Variants in TSR1 observed in about 807,000 individuals in gnomAD.
The protein encoded by TSR1 is TSR1 ribosome maturation factor.
In TSR1, 81 loss-of-function variants were observed where a neutral mutation model predicts 90.9. That is an observed-to-expected ratio of 0.89 (90% confidence interval 0.74 to 1.07). The LOEUF is 1.07. Among genes scored for constraint, TSR1 ranks in the 50% least tolerant of loss-of-function variants. The pLI, the probability that TSR1 is intolerant of heterozygous loss-of-function variation, is 0.00. For missense variants in TSR1, 989 were observed against 987.3 expected, an observed-to-expected ratio of 1.00 and a Z score of -0.02; for synonymous variants, 362 against 348.8, an observed-to-expected ratio of 1.04 and a Z score of -0.42.
Position 2,323,087 on chromosome 17 carries a change from G to A in TSR1, c.*1109C>T. 6.3e-7 allele frequency: 1 copy of A among 1,580,084 alleles called. No homozygotes were observed. The highest frequency in any genetic ancestry group is 8.7e-7 in the Non-Finnish European group (1 of 1,149,648). On this transcript the variant is annotated 3_prime_UTR_variant, in exon 15 of 15. Transcript: ENST00000301364. The stretch of plus-strand genomic sequence containing the variant: ...GCCCATATTTTCTTTTAGACATGCA[G>A]GCAATGTTGTGGTTTGTTGTTAAGA...
Position 2,323,940 on chromosome 17 carries a change from T to C in TSR1, c.*256A>G. On this transcript the variant is annotated 3_prime_UTR_variant, in exon 15 of 15. Coordinates refer to ENST00000301364, the MANE Select transcript of TSR1 (RefSeq NM_018128.5). Reference sequence around the variant, plus strand: ...ACTGAAGACATTTTGTTTCCTAGTATTGTCAACTCTTAGTTATCAGATTCT... The same window carrying C: ...ACTGAAGACATTTTGTTTCCTAGTACTGTCAACTCTTAGTTATCAGATTCT... The C allele has an allele frequency of 7.2e-7, 1 of 1,395,762 alleles. No individual in the cohort carries two copies. The highest frequency in any genetic ancestry group is 1.0e-6 in the Non-Finnish European group (1 of 1,002,446). 86.5% of individuals were successfully genotyped at this position (1,395,762 alleles called of 1,614,324 possible). A position where few individuals can be genotyped will look rare whatever the true frequency, so the allele number is the denominator to read the frequency against.
At chr17:2,332,411 C>T (rs2064012872) in intron 7 of TSR1, 52 bp from the exon 8 acceptor site, 1 of 1,466,548 alleles carries the variant, frequency 6.8e-7, no homozygotes. Context: ...CTGTCTCTAC[C>T]CCAAAGGCCA....
rs773641156 is a variant in TSR1, at chr17:2,324,294, C to T, written c.2317G>A (p.Val773Ile). 14 of 1,556,944 alleles carry T rather than the reference C, an allele frequency of 9.0e-6. No homozygotes were observed. Among genetic ancestry groups the T allele is most frequent in the Non-Finnish European group, 1.2e-5 (14 of 1,156,842 alleles). The change falls in exon 15 of 15, where the codon GTC (valine) becomes ATC (isoleucine). Residue 773 changes from valine to isoleucine, a missense_variant. By Grantham distance (29) the Val-to-Ile change is conservative (BLOSUM62 3). Transcript: ENST00000301364. ...DTVLMNLYKR[V>I]FPKWTYDPYV... ...GGATCATAAGTCCATTTGGGGAAGACTCGTTTATACAGGTTCATCAGTACT... is the reference window on the plus strand; with the variant it reads ...GGATCATAAGTCCATTTGGGGAAGATTCGTTTATACAGGTTCATCAGTACT...
chr17:2,330,418 G>A lies in TSR1; in HGVS notation c.1770+97C>T, dbSNP rs370216599. On this transcript the variant is annotated intron_variant, in intron 10 of 14. Coordinates refer to ENST00000301364, the MANE Select transcript of TSR1 (RefSeq NM_018128.5). Reference sequence around the variant, plus strand: ...AAAGGCAGACTTTTTGCATCCCAATGAGCAAAATTTTAGTCACACATAAAC... The same window carrying A: ...AAAGGCAGACTTTTTGCATCCCAATAAGCAAAATTTTAGTCACACATAAAC... The A allele has an allele frequency of 6.4e-6, 7 of 1,086,484 alleles. No homozygotes were observed. The East Asian group carries it at 7.1e-5, about 11-fold the overall frequency. 67.3% of individuals were successfully genotyped at this position (1,086,484 alleles called of 1,614,324 possible). A position where few individuals can be genotyped will look rare whatever the true frequency, so the allele number is the denominator to read the frequency against.
chr17:2,336,185 G>A, intron 1 of TSR1, 45 bp from the exon 2 acceptor site: 3 of 1,605,548 alleles, frequency 1.9e-6, no homozygotes, highest in Non-Finnish European at 2.6e-6. Flanking sequence ...GCCCCACAAG[G>A]TCAAGAAAAG....
Position 2,333,654 on chromosome 17 carries a change from G to C in TSR1, c.1044C>G (p.Asp348Glu), listed in dbSNP as rs752276837. The change falls in exon 6 of 15, where the codon GAC becomes GAG. Residue 348 changes from aspartate to glutamate, a missense_variant. Transcript: ENST00000301364. Reference sequence around the variant, plus strand: ...CTTGCAAGGATTCCTGTCTACCAGGGTCTGCCTTCATTAGGACTTTAAGAC... The same window carrying C: ...CTTGCAAGGATTCCTGTCTACCAGGCTCTGCCTTCATTAGGACTTTAAGAC... ...EEGLKVLMKADPGRQESLQAE... is the reference protein window; with the variant it reads ...EEGLKVLMKAEPGRQESLQAE... The C allele has an allele frequency of 6.2e-7, 1 of 1,614,074 alleles. No homozygotes were observed. The highest frequency in any genetic ancestry group is 2.2e-5 in the East Asian group (1 of 44,880).
intron 11 of TSR1, among the ~76,000 whole-genome samples, chr17:2,327,327 G>C (rs1335756227): frequency 6.7e-6 from 1 of 150,278 alleles, no homozygotes; most frequent in Non-Finnish European, 1.5e-5. Flanking sequence ...TGAGGCGCCA[G>C]AATCACTTGA....
chr17:2,328,609 C>CAAACAAAAAA (rs1220378705), intron 11 of TSR1, among the ~76,000 whole-genome samples: 1 of 143,602 alleles, frequency 7.0e-6, no homozygotes, highest in African/African-American at 2.6e-5. Flanking sequence ...AACAAACAAA[C>CAAACAAAAAA]AAACAAAAAA....
chr17:2,325,013 G>C, intron 12 of TSR1, 184 bp from the exon 13 acceptor site: 1 of 646,346 alleles, frequency 1.5e-6, no homozygotes, highest in East Asian at 2.8e-5. Flanking sequence ...TTGAAAACTT[G>C]TACTTCAAGA....
At position 2,332,997 on chromosome 17, in the gene TSR1, ATCATCATATTCATAT is replaced by A; in HGVS notation, c.1254_1268del (p.Glu418_Asp422del). The A allele has an allele frequency of 1.2e-6, 2 of 1,613,348 alleles. No homozygotes were observed. Among genetic ancestry groups the A allele is most frequent in the Non-Finnish European group, 1.7e-6 (2 of 1,179,480 alleles). On this transcript the variant is annotated inframe_deletion, in exon 7 of 15. Coordinates refer to ENST00000301364, the MANE Select transcript of TSR1 (RefSeq NM_018128.5). Reference sequence around the variant, plus strand: ...CCTCCATAAAATCCTCATGTTCCATATCATCATATTCATATTCATCTCCTTCCCCACCACTTTGGC... The same window carrying A: ...CCTCCATAAAATCCTCATGTTCCATATCATCTCCTTCCCCACCACTTTGGC...
chr17:2,332,021 T>C (rs1026237756), intron 8 of TSR1, 148 bp downstream of exon 8: 5 of 804,900 alleles, frequency 6.2e-6, no homozygotes, highest in Non-Finnish European at 9.7e-6. Flanking sequence ...CCCGTATGTA[T>C]GTCCTGCCTT....
In TSR1 at chr17:2,324,511, T is replaced by C; in HGVS notation, c.2229A>G (p.Glu743=). Reference sequence around the variant, plus strand: ...AATCCCGTGTTTCCTTACCTAAAGGTTCCTTGATATGTCCTCTCCGGCCCC... The same window carrying C: ...AATCCCGTGTTTCCTTACCTAAAGGCTCCTTGATATGTCCTCTCCGGCCCC... ...TKWGRRGHIK[E]PLGTHGHMKC... The change falls in exon 14 of 15, where the codon GAA becomes GAG. Residue 743 remains glutamate (E), a synonymous_variant. Transcript: ENST00000301364. 1 of 1,614,114 alleles carries C rather than the reference T, an allele frequency of 6.2e-7. No homozygotes were observed. The highest frequency in any genetic ancestry group is 8.5e-7 in the Non-Finnish European group (1 of 1,180,012).
intron 11 of TSR1, among the ~76,000 whole-genome samples, chr17:2,325,889 G>A (rs984642163): frequency 4.6e-5 from 7 of 152,092 alleles, no homozygotes; most frequent in African/African-American, 1.7e-4. Context: ...GGGATTACAG[G>A]CGTGAGCCAC....
Position 2,335,613 on chromosome 17 carries a change from C to G in TSR1, c.319G>C (p.Asp107His). 6.2e-7 allele frequency: 1 copy of G among 1,614,188 alleles called. No homozygotes were observed. The highest frequency in any genetic ancestry group is 8.5e-7 in the Non-Finnish European group (1 of 1,180,040). Residue 107 changes from aspartate to histidine, a missense_variant, in exon 3 of 15, where the codon GAC becomes CAC. Transcript: ENST00000301364. ...TCATTCAAGTGTACTGTTCCAGTGT[C>G]CCTATCTTGAAGCAGCTGCATGGCC... ...PEAMQLLQDR[D>H]TGTVHLNELG...
At position 2,333,575 on chromosome 17, in the gene TSR1, C is replaced by A. The variant is rs2064023022; in HGVS notation, c.1123G>T (p.Glu375Ter). Residue 375 changes from glutamate to a stop codon, truncating the protein, a stop_gained, in exon 6 of 15, where the codon GAG (glutamate) becomes TAG (stop). Transcript: ENST00000301364. LOFTEE classifies it high-confidence loss of function. ...EGEQTWPTEE[E>*]LSEAKDFLKE... ...TACTGACCCTTTGCCTCGCTCAGCT[C>A]CTCCTCAGTGGGCCAGGTTTGCTCT... 1 of 1,614,114 alleles carries A rather than the reference C, an allele frequency of 6.2e-7. No individual in the cohort carries two copies. The highest frequency in any genetic ancestry group is 8.5e-7 in the Non-Finnish European group (1 of 1,180,008).
At chr17:2,328,851 C>T (rs1277052870) in intron 11 of TSR1, among the ~76,000 whole-genome samples, 2 of 121,006 alleles carry the variant, frequency 1.7e-5, no homozygotes, top group East Asian at 2.8e-4. Flanking sequence ...ACCTGAGAGG[C>T]GGAGCTTGCA....
chr17:2,333,371 T>G, intron 6 of TSR1, 186 bp downstream of exon 6: 2 of 904,862 alleles, frequency 2.2e-6, no homozygotes, highest in East Asian at 2.6e-5. Context: ...CACAAGTAAT[T>G]TTGAGAAATG....
chr17:2,332,339 CTCT>C lies in TSR1; in HGVS notation c.1323_1325del (p.Glu444del). On this transcript the variant is annotated inframe_deletion, in exon 8 of 15. Transcript: ENST00000301364. ...CAATAGTCATAGTTTCATATTCTTC[CTCT>C]TCTTCACTACTCTCATCCTGTAGAA... The C allele has an allele frequency of 6.2e-7, 1 of 1,604,756 alleles. No homozygotes were observed.
rs1422335685 is a variant in TSR1, at chr17:2,336,371, T to C, written c.57A>G (p.Gly19=). 6.2e-7 allele frequency: 1 copy of C among 1,613,732 alleles called. No homozygotes were observed. Among genetic ancestry groups the C allele is most frequent in the Non-Finnish European group, 8.5e-7 (1 of 1,180,030 alleles). ...GTGCAGATCCCCGACCCCGATGCCGTCCGCCTTTATGAGCTTTATTCTGCT... is the reference window on the plus strand; with the variant it reads ...GTGCAGATCCCCGACCCCGATGCCGCCCGCCTTTATGAGCTTTATTCTGCT... ...LKQQNKAHKG[G]RHRGRGSAQR... The change falls in exon 1 of 15, where the codon GGA becomes GGG. Residue 19 remains glycine (G), a synonymous_variant. Coordinates refer to ENST00000301364, the MANE Select transcript of TSR1 (RefSeq NM_018128.5).
Sources: allele counts gnomAD v4.1 joint callset (sites outside exome capture counted in the v4.1 genomes callset), GRCh38; gene constraint gnomAD v4.1.1; transcripts MANE v1.5; gene names NCBI Gene and HGNC (gene_info 2026-07-23, HGNC 2026-07-21).